The following EPHA5 variants were observed in gnomAD, a reference collection of about 807,000 sequenced individuals.
The protein encoded by EPHA5 is EPH receptor A5.
EPHA5 carries 60 observed loss-of-function variants against 105.0 expected under a neutral mutation model. The observed-to-expected ratio is 0.57, with a 90% CI of 0.46 to 0.71. The LOEUF (loss-of-function observed/expected upper bound fraction) is 0.71, where lower values mean the gene tolerates loss of function less well. Among genes scored for constraint, EPHA5 ranks in the 30% least tolerant of loss-of-function variants. EPHA5 has a pLI of 0.00. For missense variants in EPHA5, 1,218 were observed against 1,274.7 expected, an observed-to-expected ratio of 0.96 and a Z score of 0.68; for synonymous variants, 513 against 449.1, an observed-to-expected ratio of 1.14 and a Z score of -1.80.
At chr4:65,602,423 T>G in intron 2 of EPHA5, 119 bp from the exon 3 acceptor site, 4 of 742,876 alleles carry the variant, frequency 5.4e-6, no homozygotes, top group Non-Finnish European at 8.2e-6. Flanking sequence ...ATCCTCAATA[T>G]GTGATATTTA....
At chr4:65,357,933 G>A (rs538951539) in intron 11 of EPHA5, among the ~76,000 whole-genome samples, 10 of 151,404 alleles carry the variant, frequency 6.6e-5, no homozygotes, top group South Asian at 6.2e-4. Context: ...AGAATATGCC[G>A]TTCCTGGTAA....
At chr4:65,646,805 A>C (rs181585077) in intron 1 of EPHA5, among the ~76,000 whole-genome samples, 11 of 152,200 alleles carry the variant, frequency 7.2e-5, no homozygotes, top group Non-Finnish European at 1.5e-4. Flanking sequence ...AATTAAAGTA[A>C]TAAAATATTT....
At chr4:65,551,274 G>T (rs1016336925) in intron 3 of EPHA5, among the ~76,000 whole-genome samples, 4 of 101,024 alleles carry the variant, frequency 4.0e-5, no homozygotes, top group African/African-American at 1.6e-4. Flanking sequence ...GTGTGTGTGT[G>T]TGTGTGTATA....
intron 3 of EPHA5, among the ~76,000 whole-genome samples, chr4:65,563,165 G>A (rs1200064549): frequency 6.6e-6 from 1 of 151,740 alleles, no homozygotes; most frequent in East Asian, 1.9e-4. Flanking sequence ...ATAGTTCTGA[G>A]GAGCCATTTG....
intron 7 of EPHA5, among the ~76,000 whole-genome samples, chr4:65,409,346 A>AAAAAAAATAAAT (rs1553910972): frequency 3.0e-5 from 4 of 134,212 alleles, no homozygotes; most frequent in African/African-American, 1.1e-4. Flanking sequence ...ATAATAATAA[A>AAAAAAAATAAAT]AAATAAATAA....
chr4:65,515,132 A>G (rs1330441571), intron 3 of EPHA5, among the ~76,000 whole-genome samples: 1 of 152,082 alleles, frequency 6.6e-6, no homozygotes, highest in African/African-American at 2.4e-5. Flanking sequence ...TCTCCTGCCA[A>G]CTTTACACTG....
intron 7 of EPHA5, among the ~76,000 whole-genome samples, chr4:65,407,930 A>AT (rs71205364): frequency 0.25 from 37,164 of 149,726 alleles, 4,955 homozygotes; most frequent in African/African-American, 0.35. Context: ...TAATTTTTGC[A>AT]TTTTTTTTTG....
intron 5 of EPHA5, among the ~76,000 whole-genome samples, chr4:65,458,990 T>C (rs977442459): frequency 7.9e-5 from 12 of 151,908 alleles, no homozygotes; most frequent in African/African-American, 2.9e-4. Context: ...TGCATGTGAA[T>C]TTTCACACCT....
chr4:65,327,936 A>T (rs1720234504), intron 16 of EPHA5, among the ~76,000 whole-genome samples: 2 of 151,218 alleles, frequency 1.3e-5, no homozygotes, highest in African/African-American at 4.8e-5. Flanking sequence ...CATAAATTTG[A>T]TGAAAATAAA....
intron 3 of EPHA5, among the ~76,000 whole-genome samples, chr4:65,581,990 C>T (rs1464994575): frequency 1.3e-5 from 2 of 151,658 alleles, no homozygotes; most frequent in East Asian, 1.9e-4. Context: ...GAGCACCTTT[C>T]AACATCTTTT....
rs1212574706 is a variant in EPHA5, at chr4:65,574,697, TAC to T, written c.910+26942_910+26943del. On this transcript the variant is annotated intron_variant, in intron 3 of 16. Transcript: ENST00000613740. ...ATATATACATATATATACATATATATACATATATATACATATATATATACATA... is the reference window on the plus strand; with the variant it reads ...ATATATACATATATATACATATATATATATATATACATATATATATACATA... Among the ~76,000 whole-genome samples the T allele has an allele frequency of 6.5e-3, 423 of 64,848 alleles. 7 individuals are homozygous for T. The highest frequency in any genetic ancestry group is 0.019 in the African/African-American group (380 of 20,124). The allele number at this position is 64,848 out of a possible 152,430, so 42.5% of individuals were successfully genotyped here.
rs930866787 is a variant in EPHA5 at position 65,650,780 on chromosome 4, C to A, written c.182-7353G>T. On this transcript the variant is annotated intron_variant, in intron 1 of 16. Coordinates refer to ENST00000613740, the MANE Select transcript of EPHA5 (RefSeq NM_001281766.3). ...TCACTTGAAAAATCTCCTAACTGCTCTCTCTGCAGAAAAAGATATGATGCT... is the reference window on the plus strand; with the variant it reads ...TCACTTGAAAAATCTCCTAACTGCTATCTCTGCAGAAAAAGATATGATGCT... 1.3e-5 allele frequency among the ~76,000 whole-genome samples: 2 copies of A among 152,116 alleles called. 1 individual carries two copies. The highest frequency in any genetic ancestry group is 4.1e-4 in the South Asian group (2 of 4,830).
intron 5 of EPHA5, among the ~76,000 whole-genome samples, chr4:65,485,614 A>C (rs1730806260): frequency 6.6e-6 from 1 of 152,202 alleles, no homozygotes; most frequent in Admixed American, 6.5e-5. Context: ...TTTATAAATC[A>C]TTTAATCGCT....
At chr4:65,647,180 T>C (rs1037264711) in intron 1 of EPHA5, among the ~76,000 whole-genome samples, 1 of 151,612 alleles carries the variant, frequency 6.6e-6, no homozygotes, top group Middle Eastern at 3.4e-3. Flanking sequence ...TACAAAAAAA[T>C]TAGCCGGGTG....
At chr4:65,592,981 A>T (rs994337036) in intron 3 of EPHA5, among the ~76,000 whole-genome samples, 3 of 152,204 alleles carry the variant, frequency 2.0e-5, no homozygotes, top group Admixed American at 1.3e-4. Context: ...AAAGACAAGC[A>T]TCCCAAAAGG....
chr4:65,443,280 C>G (rs1726189341), intron 5 of EPHA5, among the ~76,000 whole-genome samples: 3 of 151,642 alleles, frequency 2.0e-5, no homozygotes, highest in Non-Finnish European at 2.9e-5. Flanking sequence ...ATAAAGCTAT[C>G]CAAGTTTTTC....
Position 65,340,652 on chromosome 4 carries a change from C to A in EPHA5, c.2596-4527G>T, listed in dbSNP as rs560525876. On this transcript the variant is annotated intron_variant, in intron 14 of 16. Transcript: ENST00000613740. Reference sequence around the variant, plus strand: ...TCAACTATAGCTACAGGCTGCAGTTCATTTAGTAACCTGCCTTTTCTGAAT... The same window carrying A: ...TCAACTATAGCTACAGGCTGCAGTTAATTTAGTAACCTGCCTTTTCTGAAT... Among the ~76,000 whole-genome samples the A allele has an allele frequency of 5.9e-5, 9 of 152,234 alleles. No homozygotes were observed. The South Asian group carries it at 1.2e-3, about 21-fold the overall frequency.
chr4:65,649,542 A>T (rs1042980492), intron 1 of EPHA5, among the ~76,000 whole-genome samples: 1 of 152,240 alleles, frequency 6.6e-6, no homozygotes, highest in Non-Finnish European at 1.5e-5. Flanking sequence ...AAAAATTTTC[A>T]TTAAAATATA....
chr4:65,330,940 A>G (rs1208000983), intron 16 of EPHA5: 1 of 1,042,202 alleles, frequency 9.6e-7, no homozygotes, highest in Non-Finnish European at 1.2e-6. Context: ...ATGTGACATT[A>G]ATTGGTGATA....
Sources: allele counts gnomAD v4.1 joint callset (sites outside exome capture counted in the v4.1 genomes callset), GRCh38; gene constraint gnomAD v4.1.1; transcripts MANE v1.5; gene names NCBI Gene and HGNC (gene_info 2026-07-23, HGNC 2026-07-21).